The following ZMYM5 variants were observed in gnomAD, a reference collection of about 807,000 sequenced individuals.
ZMYM5 encodes zinc finger MYM-type protein 5.
In ZMYM5, 41 loss-of-function variants were observed where a neutral mutation model predicts 61.8. The observed-to-expected ratio is 0.66, with a 90% confidence interval of 0.52 to 0.86. ZMYM5 has a LOEUF of 0.86. Among genes scored for constraint, ZMYM5 ranks in the 40% least tolerant of loss-of-function variants. The pLI is 0.00. For missense variants in ZMYM5, 706 were observed against 786.7 expected (o/e 0.90, Z 1.23); for synonymous variants, 257 against 276.4 (o/e 0.93, Z 0.70).
intron 7 of ZMYM5, among the ~76,000 whole-genome samples, chr13:19,826,358 C>CA (rs1158375023): frequency 6.7e-6 from 1 of 150,062 alleles, no homozygotes; most frequent in Non-Finnish European, 1.5e-5. Flanking sequence ...TCTCAAAAAA[C>CA]AAAAAACAAA....
At chr13:19,834,579 C>T (rs1297513449) in intron 7 of ZMYM5, among the ~76,000 whole-genome samples, 1 of 152,150 alleles carries the variant, frequency 6.6e-6, no homozygotes, top group Admixed American at 6.5e-5. Context: ...TGAAGCACCT[C>T]ACCTGGCTCC....
At chr13:19,852,240 G>A (rs1290300547) in intron 2 of ZMYM5, 50 bp from the exon 3 acceptor site, 27 of 1,457,356 alleles carry the variant, frequency 1.9e-5, no homozygotes, top group Non-Finnish European at 2.3e-5. Flanking sequence ...TATGGTTTTT[G>A]CATTTTACTA....
In ZMYM5 at chr13:19,823,710, C is replaced by T. The variant is rs1890774430; in HGVS notation, c.*767G>A. ...ATAGCAAAAAGCTGTAGTTTCAGAT[C>T]CCATTCTGTAAACTGAGTAGTTTTA... On this transcript the variant is annotated 3_prime_UTR_variant, in exon 8 of 8. Transcript: ENST00000337963. The T allele has an allele frequency of 6.6e-6, 1 of 152,148 alleles. No individual in the cohort carries two copies. The highest frequency in any genetic ancestry group is 6.6e-5 in the Admixed American group (1 of 15,256). 9.4% of individuals were successfully genotyped at this position (152,148 alleles called of 1,614,324 possible).
chr13:19,830,815 C>A lies in ZMYM5; in HGVS notation c.1251+4662G>T, dbSNP rs1265156620. ...CATGAGACACCTCGCCCGGCCTTTG[C>A]CAACTGTTTATGAGTTACTTTTTCT... On this transcript the variant is annotated intron_variant, in intron 7 of 7. Transcript: ENST00000337963. 2.0e-5 allele frequency among the ~76,000 whole-genome samples: 3 copies of A among 150,388 alleles called. No individual in the cohort carries two copies. The Admixed American group carries it at 2.0e-4, about 10-fold the overall frequency.
rs149018250 is a variant in ZMYM5, at chr13:19,832,830, T to C, written c.1251+2647A>G. Among the ~76,000 whole-genome samples, 357 of 151,966 alleles carry C rather than the reference T, an allele frequency of 2.3e-3. 1 individual carries two copies. The highest frequency in any genetic ancestry group is 6.5e-3 in the African/African-American group (269 of 41,354). ...CCCAGGGTGGAGTGTAATGGTGCAA[T>C]CATAGCTCACTCACCTCAGTCTCCT... On this transcript the variant is annotated intron_variant, in intron 7 of 7. Transcript: ENST00000337963.
chr13:19,830,806 C>T (rs9578223), intron 7 of ZMYM5, among the ~76,000 whole-genome samples: 14,844 of 150,954 alleles, frequency 0.098, 874 homozygotes, highest in African/African-American at 0.16. Flanking sequence ...ACACCTCGCC[C>T]GGCCTTTGCC....
At chr13:19,849,476 G>C (rs9579714) in intron 4 of ZMYM5, among the ~76,000 whole-genome samples, 12,569 of 151,876 alleles carry the variant, frequency 0.083, 564 homozygotes, top group Middle Eastern at 0.13. Context: ...TAAATCAGCA[G>C]GATACAAAAC....
chr13:19,860,935 CGTGTGTGTGT>C (rs10690639), intron 2 of ZMYM5, among the ~76,000 whole-genome samples: 13 of 136,830 alleles, frequency 9.5e-5, no homozygotes, highest in African/African-American at 2.7e-4. Flanking sequence ...TATATGCGCA[CGTGTGTGTGT>C]GTGTGTGTGT....
At chr13:19,856,269 A>G (rs1284510612) in intron 2 of ZMYM5, among the ~76,000 whole-genome samples, 1 of 152,214 alleles carries the variant, frequency 6.6e-6, no homozygotes, top group Non-Finnish European at 1.5e-5. Flanking sequence ...GATAACATAT[A>G]GCTTTAAGCT....
At chr13:19,859,956 T>C (rs1331052452) in intron 2 of ZMYM5, among the ~76,000 whole-genome samples, 1 of 149,168 alleles carries the variant, frequency 6.7e-6, no homozygotes, top group Non-Finnish European at 1.5e-5. Context: ...AATACAACAA[T>C]TAGCCAACGT....
intron 2 of ZMYM5, among the ~76,000 whole-genome samples, chr13:19,861,813 T>C (rs1243428360): frequency 1.3e-5 from 2 of 151,710 alleles, no homozygotes; most frequent in East Asian, 3.9e-4. Flanking sequence ...GCATTTGTAC[T>C]GTACCAAAAT....
At chr13:19,857,847 T>C (rs918490551) in intron 2 of ZMYM5, among the ~76,000 whole-genome samples, 3 of 149,674 alleles carry the variant, frequency 2.0e-5, no homozygotes, top group African/African-American at 4.9e-5. Flanking sequence ...GAGAGACCCC[T>C]CTCTACAAAA....
At chr13:19,837,035 T>C (rs1247755045) in intron 6 of ZMYM5, among the ~76,000 whole-genome samples, 1 of 146,988 alleles carries the variant, frequency 6.8e-6, no homozygotes, top group Non-Finnish European at 1.5e-5. Context: ...TTTTTTTTTT[T>C]TTCTTTCTTT....
At chr13:19,848,305 G>A (rs540539495) in intron 4 of ZMYM5, among the ~76,000 whole-genome samples, 15 of 151,948 alleles carry the variant, frequency 9.9e-5, no homozygotes, top group Admixed American at 3.9e-4. Context: ...TTTTGAGACC[G>A]GGTCTCACTC....
chr13:19,836,900 A>C (rs1952689756), intron 6 of ZMYM5, among the ~76,000 whole-genome samples: 1 of 152,178 alleles, frequency 6.6e-6, no homozygotes, highest in Admixed American at 6.5e-5. Flanking sequence ...AATGTTAAGC[A>C]AACAGCATAC....
At chr13:19,834,497 A>G (rs1952618089) in intron 7 of ZMYM5, among the ~76,000 whole-genome samples, 1 of 150,924 alleles carries the variant, frequency 6.6e-6, no homozygotes, top group African/African-American at 2.4e-5. Flanking sequence ...TATGTTGACC[A>G]GGCCGGTCTT....
chr13:19,828,465 C>T (rs142559827), intron 7 of ZMYM5, among the ~76,000 whole-genome samples: 1 of 152,158 alleles, frequency 6.6e-6, no homozygotes, highest in East Asian at 1.9e-4. Context: ...CAGAGTGAGA[C>T]TCTGTCTCCA....
At chr13:19,845,689 T>C (rs1308511723) in intron 4 of ZMYM5, among the ~76,000 whole-genome samples, 1 of 152,186 alleles carries the variant, frequency 6.6e-6, no homozygotes, top group African/African-American at 2.4e-5. Context: ...TGTTGTTTTT[T>C]TAAACAAAGG....
intron 7 of ZMYM5, among the ~76,000 whole-genome samples, chr13:19,834,319 T>C (rs540846684): frequency 1.3e-5 from 2 of 150,522 alleles, no homozygotes; most frequent in Admixed American, 1.3e-4. Flanking sequence ...AAAAAATTTT[T>C]TTCCAAATAT....
Sources: gnomAD v4.1 joint callset for allele counts (sites outside exome capture counted in the v4.1 genomes callset) on GRCh38, gnomAD v4.1.1 for gene constraint, MANE v1.5 for transcripts, NCBI Gene and HGNC (gene_info 2026-07-23, HGNC 2026-07-21) for gene names.